The following CSGALNACT1 variants were observed in gnomAD, a reference collection of about 807,000 sequenced individuals.
CSGALNACT1 encodes beta4GalNAcT-1.
A neutral mutation model predicts 51.0 loss-of-function variants in CSGALNACT1; 52 were observed. The observed-to-expected ratio is 1.02, with a 90% CI of 0.82 to 1.29. CSGALNACT1 has a LOEUF of 1.29. Ranked by LOEUF, CSGALNACT1 falls within the 50% of genes most tolerant of loss-of-function variation. The pLI is 0.00. For synonymous variants in CSGALNACT1, 341 were observed against 254.4 expected, an observed-to-expected ratio of 1.34 and a Z score of -3.24; for missense variants, 935 against 679.2, an observed-to-expected ratio of 1.38 and a Z score of -4.19.
At chr8:19,750,848 C>G (rs66579739) in intron 1 of CSGALNACT1, among the ~76,000 whole-genome samples, 24,661 of 152,000 alleles carry the variant, frequency 0.16, 2,148 homozygotes, top group Middle Eastern at 0.3. Flanking sequence ...TATTCTGCAA[C>G]CCACACACTC....
At chr8:19,720,269 C>T (rs990742389) in intron 1 of CSGALNACT1, among the ~76,000 whole-genome samples, 1 of 152,106 alleles carries the variant, frequency 6.6e-6, no homozygotes, top group African/African-American at 2.4e-5. Context: ...AGGGAGGCAG[C>T]GTGCTTAATA....
At chr8:19,511,664 T>C (rs1372896901) in intron 3 of CSGALNACT1, among the ~76,000 whole-genome samples, 2 of 152,152 alleles carry the variant, frequency 1.3e-5, no homozygotes, top group Non-Finnish European at 2.9e-5. Context: ...TACCACTGTG[T>C]GTCTGCTCCC....
At chr8:19,745,086 G>A (rs149434052) in intron 1 of CSGALNACT1, among the ~76,000 whole-genome samples, 10 of 152,290 alleles carry the variant, frequency 6.6e-5, no homozygotes, top group African/African-American at 1.2e-4. Flanking sequence ...TGTCATAGTC[G>A]TCTGACCCGA....
upstream of CSGALNACT1, among the ~76,000 whole-genome samples, chr8:19,607,133 C>T (rs575288903): frequency 6.0e-5 from 9 of 149,246 alleles, no homozygotes; most frequent in African/African-American, 7.4e-5. Context: ...CCAGCCTGGG[C>T]GACAGAGCAA....
At chr8:19,509,869 G>C (rs2078122679) in intron 3 of CSGALNACT1, among the ~76,000 whole-genome samples, 2 of 152,076 alleles carry the variant, frequency 1.3e-5, no homozygotes, top group Non-Finnish European at 2.9e-5. Flanking sequence ...TGAAAATACA[G>C]CTTTATGTGA....
At chr8:19,513,436 C>CTCTCTCTCTCTCTATATATATA in intron 3 of CSGALNACT1, among the ~76,000 whole-genome samples, 27 of 81,956 alleles carry the variant, frequency 3.3e-4, no homozygotes, top group East Asian at 7.9e-4. Flanking sequence ...CTCTCTCTCT[C>CTCTCTCTCTCTCTATATATATA]TATATATATA....
chr8:19,473,891 C>G (rs917753194), intron 4 of CSGALNACT1, among the ~76,000 whole-genome samples: 1 of 152,116 alleles, frequency 6.6e-6, no homozygotes, highest in African/African-American at 2.4e-5. Context: ...AAACAGGTCA[C>G]AATTTTCTAC....
intron 3 of CSGALNACT1, among the ~76,000 whole-genome samples, chr8:19,546,940 G>A (rs150077030): frequency 5.9e-5 from 9 of 152,294 alleles, no homozygotes; most frequent in South Asian, 4.1e-4. Context: ...GATGCTCTTC[G>A]CAGAGGGAGC....
chr8:19,429,412 G>A (rs1229825407), intron 6 of CSGALNACT1, among the ~76,000 whole-genome samples: 1 of 152,056 alleles, frequency 6.6e-6, no homozygotes, highest in African/African-American at 2.4e-5. Flanking sequence ...CCTGACCTCA[G>A]GTGATCTGCC....
chr8:19,658,569 A>T (rs1223228562), intron 1 of CSGALNACT1, among the ~76,000 whole-genome samples: 2 of 152,078 alleles, frequency 1.3e-5, no homozygotes, highest in African/African-American at 4.8e-5. Context: ...CCCCATCTCT[A>T]ATGAAATCAC....
intron 1 of CSGALNACT1, among the ~76,000 whole-genome samples, chr8:19,713,866 G>T (rs765269759): frequency 3.3e-5 from 5 of 152,338 alleles, no homozygotes; most frequent in Non-Finnish European, 7.3e-5. Context: ...GGCAGCCCCA[G>T]ATGGAGAAGG....
chr8:19,445,996 G>A (rs1563436170), intron 5 of CSGALNACT1, among the ~76,000 whole-genome samples: 1 of 152,112 alleles, frequency 6.6e-6, no homozygotes, highest in Non-Finnish European at 1.5e-5. Flanking sequence ...CCAACATGGT[G>A]AAACCCCATG....
chr8:19,416,414 AG>A (rs563882396), intron 8 of CSGALNACT1, among the ~76,000 whole-genome samples: 138 of 152,204 alleles, frequency 9.1e-4, no homozygotes, highest in Non-Finnish European at 1.8e-3. Context: ...CACCCGGCCA[AG>A]GAAAACTTTT....
chr8:19,554,756 A>G (rs758116929), intron 3 of CSGALNACT1, among the ~76,000 whole-genome samples: 4 of 152,112 alleles, frequency 2.6e-5, no homozygotes, highest in African/African-American at 4.8e-5. Context: ...CGTCTCTACT[A>G]AAAATACAAA....
chr8:19,697,543 A>G (rs565379657), intron 1 of CSGALNACT1, among the ~76,000 whole-genome samples: 3 of 152,152 alleles, frequency 2.0e-5, no homozygotes, highest in Non-Finnish European at 4.4e-5. Context: ...AAAACAGAAG[A>G]AAAGCAAGAT....
chr8:19,573,803 T>C (rs1011740541), intron 3 of CSGALNACT1, among the ~76,000 whole-genome samples: 1 of 152,182 alleles, frequency 6.6e-6, no homozygotes, highest in African/African-American at 2.4e-5. Flanking sequence ...AAGGCTTCTC[T>C]CTTTACAACT....
At chr8:19,460,889 A>G (rs1055298188) in intron 4 of CSGALNACT1, among the ~76,000 whole-genome samples, 3 of 151,950 alleles carry the variant, frequency 2.0e-5, no homozygotes, top group African/African-American at 7.3e-5. Flanking sequence ...CAAAGATTGG[A>G]TTTCTTTGAG....
chr8:19,669,036 C>T (rs1564391401), intron 1 of CSGALNACT1, among the ~76,000 whole-genome samples: 1 of 152,212 alleles, frequency 6.6e-6, no homozygotes, highest in East Asian at 1.9e-4. Flanking sequence ...TATTTACAGG[C>T]TCTCAAACAA....
At chr8:19,600,394 G>T (rs1439208192) in intron 2 of CSGALNACT1, among the ~76,000 whole-genome samples, 1 of 152,102 alleles carries the variant, frequency 6.6e-6, no homozygotes, top group Non-Finnish European at 1.5e-5. Context: ...TCTCTATTTT[G>T]TAAAGTTTAT....
Sources: allele counts gnomAD v4.1 joint callset (sites outside exome capture counted in the v4.1 genomes callset), GRCh38; gene constraint gnomAD v4.1.1; transcripts MANE v1.5; gene names NCBI Gene and HGNC (gene_info 2026-07-23, HGNC 2026-07-21).